SESTD1: variants seen among roughly 807,000 people sequenced by gnomAD.
SESTD1 encodes the protein SEC14 domain and spectrin repeat-containing protein 1.
In SESTD1, 43 loss-of-function variants were observed where a neutral mutation model predicts 101.7. The ratio of observed to expected loss-of-function variants is 0.42; its 90% CI spans 0.33 to 0.55. The LOEUF is 0.55. Ranked by LOEUF, SESTD1 falls within the 20% of genes least tolerant of loss-of-function variation. The probability of loss-of-function intolerance (pLI) is 0.07; values close to 1 mark genes in which losing one functional copy is unlikely to be tolerated. For synonymous variants in SESTD1, 283 were observed against 286.8 expected (o/e 0.99, Z 0.13); for missense variants, 647 against 815.1 (o/e 0.79, Z 2.51).
chr2:179,102,703 T>C lies in SESTD1; in HGVS notation c.*7196A>G, dbSNP rs2044297622. On this transcript the variant is annotated 3_prime_UTR_variant, in exon 18 of 18. Transcript: ENST00000428443. ...AATTCTATAGACTAATACAGGTGAA[T>C]GCTGTATGTAATAGAACAGCTGGGA... 6.6e-6 allele frequency: 1 copy of C among 152,096 alleles called. No individual in the cohort carries two copies. The highest frequency in any genetic ancestry group is 6.6e-5 in the Admixed American group (1 of 15,246). 9.4% of individuals were successfully genotyped at this position (152,096 alleles called of 1,614,324 possible).
At chr2:179,194,325 TC>T (rs2105499584) in intron 1 of SESTD1, among the ~76,000 whole-genome samples, 1 of 152,254 alleles carries the variant, frequency 6.6e-6, no homozygotes, top group Admixed American at 6.5e-5. Flanking sequence ...GTTCTGCTGC[TC>T]CAGGACGTGG....
intron 1 of SESTD1, among the ~76,000 whole-genome samples, chr2:179,229,772 T>A (rs2046952200): frequency 8.3e-6 from 1 of 119,866 alleles, no homozygotes; most frequent in African/African-American, 3.6e-5. Flanking sequence ...TATATATATA[T>A]ATACTCAAAT....
At chr2:179,140,829 A>ACAACCTTACAAAACCTTACAAG (rs1396985873) in intron 9 of SESTD1, among the ~76,000 whole-genome samples, 33 of 152,266 alleles carry the variant, frequency 2.2e-4, no homozygotes, top group Non-Finnish European at 4.4e-4. Flanking sequence ...ACCTTACAAC[A>ACAACCTTACAAAACCTTACAAG]GCGTTTGACA....
At chr2:179,255,055 TAATC>T (rs1469976058) in intron 1 of SESTD1, among the ~76,000 whole-genome samples, 2 of 152,080 alleles carry the variant, frequency 1.3e-5, no homozygotes, top group Admixed American at 6.6e-5. Context: ...ATGGCGAACT[TAATC>T]AATACATATT....
At chr2:179,235,112 G>A (rs1038148365) in intron 1 of SESTD1, among the ~76,000 whole-genome samples, 10 of 152,080 alleles carry the variant, frequency 6.6e-5, no homozygotes, top group African/African-American at 2.4e-4. Flanking sequence ...AGGAAATTAG[G>A]AAATACTGCA....
At chr2:179,209,401 C>T (rs2046624691) in intron 1 of SESTD1, among the ~76,000 whole-genome samples, 1 of 134,394 alleles carries the variant, frequency 7.4e-6, no homozygotes, top group Non-Finnish European at 1.6e-5. Flanking sequence ...AACATTCTAC[C>T]CAACAAATGA....
Position 179,121,788 on chromosome 2 carries a change from A to G in SESTD1, c.1424T>C (p.Met475Thr). 1 of 1,586,054 alleles carries G rather than the reference A, an allele frequency of 6.3e-7. No homozygotes were observed. Among genetic ancestry groups the G allele is most frequent in the Non-Finnish European group, 8.6e-7 (1 of 1,169,386 alleles). Reference sequence around the variant, plus strand: ...ACTTTGCCTTTGTTTTCTAAGCTGCATATCTTCCATCACTCCTTGTATGTG... The same window carrying G: ...ACTTTGCCTTTGTTTTCTAAGCTGCGTATCTTCCATCACTCCTTGTATGTG... ...VDHIQGVMED[M>T]QLRKQRCEDM... The change falls in exon 13 of 18, where the codon ATG becomes ACG. Residue 475 changes from methionine (M) to threonine (T), a missense_variant. Coordinates refer to ENST00000428443, the MANE Select transcript of SESTD1 (RefSeq NM_178123.5).
In SESTD1 at chr2:179,106,165, G is replaced by A. The variant is rs1463146367; in HGVS notation, c.*3734C>T. The A allele has an allele frequency of 6.6e-6, 1 of 152,018 alleles. No homozygotes were observed. Among genetic ancestry groups the A allele is most frequent in the Non-Finnish European group, 1.5e-5 (1 of 68,000 alleles). The allele number at this position is 152,018 out of a possible 1,614,324, so 9.4% of individuals were successfully genotyped here. On this transcript the variant is annotated 3_prime_UTR_variant, in exon 18 of 18. Transcript: ENST00000428443. ...TAATGCTAGAGAATTTTTCCTTTGG[G>A]GGCTTAAGCAAAGATATCCTAATCA...
intron 1 of SESTD1, among the ~76,000 whole-genome samples, chr2:179,215,980 A>G (rs1297108683): frequency 7.4e-6 from 1 of 134,992 alleles, no homozygotes; most frequent in Non-Finnish European, 1.6e-5. Context: ...GTATTGATGA[A>G]ACATAACTCA....
At chr2:179,146,328 T>A (rs1227078745) in intron 8 of SESTD1, 74 bp downstream of exon 8, 1 of 1,350,028 alleles carries the variant, frequency 7.4e-7, no homozygotes, top group Non-Finnish European at 1.1e-6. Flanking sequence ...CATGCTGAAT[T>A]CATGTTTATT....
intron 1 of SESTD1, among the ~76,000 whole-genome samples, chr2:179,262,067 T>C (rs183085158): frequency 2.4e-3 from 362 of 152,312 alleles, no homozygotes; most frequent in African/African-American, 7.3e-3. Context: ...ATACATGGTA[T>C]AATATGAATA....
At chr2:179,218,232 G>C (rs1186614694) in intron 1 of SESTD1, among the ~76,000 whole-genome samples, 2 of 151,628 alleles carry the variant, frequency 1.3e-5, no homozygotes, top group Non-Finnish European at 2.9e-5. Flanking sequence ...TCTCAAACAA[G>C]GAATGAAGCC....
rs1402938363 is a variant in SESTD1 at position 179,215,187 on chromosome 2, CAATG to C, written c.-25-23325_-25-23322del. ...GACACAAAAAAACCTTCAAAAAAAT[CAATG>C]AATGCAGGAGCTGGTTTTTTGAAAA... On this transcript the variant is annotated intron_variant, in intron 1 of 17. Transcript: ENST00000428443. Among the ~76,000 whole-genome samples the C allele has an allele frequency of 3.7e-5, 5 of 134,262 alleles. 2 individuals carry two copies. The highest frequency in any genetic ancestry group is 8.0e-5 in the Non-Finnish European group (5 of 62,592). The allele number at this position is 134,262 out of a possible 152,430, so 88.1% of individuals were successfully genotyped here.
intron 1 of SESTD1, among the ~76,000 whole-genome samples, chr2:179,223,199 T>C (rs533123751): frequency 1.3e-5 from 2 of 152,282 alleles, no homozygotes; most frequent in East Asian, 1.9e-4. Flanking sequence ...ACATATATTG[T>C]ATTTTTGTAT....
At chr2:179,220,983 T>G (rs934810195) in intron 1 of SESTD1, among the ~76,000 whole-genome samples, 1 of 152,162 alleles carries the variant, frequency 6.6e-6, no homozygotes, top group Non-Finnish European at 1.5e-5. Context: ...ATAATTGGCA[T>G]AACAAATTAA....
intron 9 of SESTD1, among the ~76,000 whole-genome samples, chr2:179,143,000 C>T (rs904299811): frequency 4.6e-5 from 7 of 151,998 alleles, no homozygotes; most frequent in Admixed American, 6.6e-5. Flanking sequence ...ATAAAATATT[C>T]GAAGATTTAT....
intron 9 of SESTD1, among the ~76,000 whole-genome samples, chr2:179,136,253 G>A (rs1175511920): frequency 6.6e-6 from 1 of 152,126 alleles, no homozygotes; most frequent in Non-Finnish European, 1.5e-5. Context: ...CTCATTATAT[G>A]TAAGACAGCA....
At chr2:179,157,977 A>C (rs1345090080) in intron 5 of SESTD1, among the ~76,000 whole-genome samples, 1 of 152,156 alleles carries the variant, frequency 6.6e-6, no homozygotes, top group African/African-American at 2.4e-5. Context: ...TCATAACAGC[A>C]TAGAGGGCCA....
chr2:179,241,352 A>G (rs2047149937), intron 1 of SESTD1, among the ~76,000 whole-genome samples: 1 of 152,122 alleles, frequency 6.6e-6, no homozygotes, highest in Admixed American at 6.6e-5. Context: ...CCCAAACATA[A>G]AGAAGGTGAA....
Sources: allele counts gnomAD v4.1 joint callset (sites outside exome capture counted in the v4.1 genomes callset), GRCh38; gene constraint gnomAD v4.1.1; transcripts MANE v1.5; gene names NCBI Gene and HGNC (gene_info 2026-07-23, HGNC 2026-07-21).